Variants in GNG4 observed in about 807,000 individuals in gnomAD.
GNG4 encodes the protein G protein subunit gamma 4, also known as guanine nucleotide-binding protein G(I)/G(S)/G(O) subunit gamma-4.
Under a neutral mutation model 5.8 loss-of-function variants are expected in GNG4, and 4 were observed. The observed-to-expected ratio is 0.69, with a 90% CI of 0.34 to 1.57. GNG4 has a LOEUF of 1.57. GNG4 is among the 40% of genes most tolerant of loss of function. GNG4 has a pLI of 0.06. For missense variants in GNG4, 96 were observed against 95.1 expected (o/e 1.01, Z -0.04); for synonymous variants, 29 against 32.9 (o/e 0.88, Z 0.41).
chr1:235,593,826 G>A (rs879366973), intron 2 of GNG4, among the ~76,000 whole-genome samples: 10 of 152,142 alleles, frequency 6.6e-5, no homozygotes, highest in Non-Finnish European at 1.3e-4. Context: ...CCTTCGTGGT[G>A]AGTGTTACAG....
At chr1:235,636,180 C>G (rs1689031559) in intron 1 of GNG4, among the ~76,000 whole-genome samples, 1 of 152,194 alleles carries the variant, frequency 6.6e-6, no homozygotes, top group Non-Finnish European at 1.5e-5. Flanking sequence ...CTTCCTCATA[C>G]CTGCCCCTCC....
intron 1 of GNG4, among the ~76,000 whole-genome samples, chr1:235,607,799 G>A (rs917632588): frequency 5.9e-5 from 9 of 152,092 alleles, no homozygotes; most frequent in South Asian, 2.1e-4. Context: ...GCCTCTCTCC[G>A]GGAGGGTGTC....
At chr1:235,604,805 G>A (rs1571909217) in intron 1 of GNG4, among the ~76,000 whole-genome samples, 1 of 152,206 alleles carries the variant, frequency 6.6e-6, no homozygotes. Context: ...GTATAGTCAG[G>A]AACCCAGAAA....
chr1:235,553,438 A>G (rs1186219594), intron 3 of GNG4, among the ~76,000 whole-genome samples: 2 of 152,188 alleles, frequency 1.3e-5, no homozygotes, highest in Non-Finnish European at 2.9e-5. Flanking sequence ...TAGTACATTC[A>G]ATGTCTAAAT....
chr1:235,594,316 C>T (rs1688069464), intron 2 of GNG4, among the ~76,000 whole-genome samples: 1 of 152,160 alleles, frequency 6.6e-6, no homozygotes, highest in African/African-American at 2.4e-5. Context: ...AATCCCTTAG[C>T]TAGACATAAA....
At chr1:235,572,198 G>A (rs1047348152) in intron 3 of GNG4, among the ~76,000 whole-genome samples, 8 of 151,770 alleles carry the variant, frequency 5.3e-5, no homozygotes, top group Admixed American at 3.3e-4. Flanking sequence ...GAAAAGGTAA[G>A]GTAAAAATAC....
intron 1 of GNG4, among the ~76,000 whole-genome samples, chr1:235,598,795 G>A (rs971098046): frequency 6.0e-5 from 9 of 149,940 alleles, no homozygotes; most frequent in African/African-American, 4.9e-5. Flanking sequence ...GTGTGATCTC[G>A]GCTCACTGCA....
chr1:235,598,969 C>T (rs1400321006), intron 1 of GNG4, among the ~76,000 whole-genome samples: 3 of 152,212 alleles, frequency 2.0e-5, no homozygotes, highest in South Asian at 4.2e-4. Context: ...TCAAGTGATC[C>T]GCCTGCCTTG....
At chr1:235,641,510 G>A (rs1657328627) in intron 1 of GNG4, among the ~76,000 whole-genome samples, 1 of 152,184 alleles carries the variant, frequency 6.6e-6, no homozygotes, top group African/African-American at 2.4e-5. Context: ...GGCCAACATG[G>A]TGAAACCCTG....
Position 235,642,158 on chromosome 1 carries a change from C to T in GNG4, c.-123+7504G>A, listed in dbSNP as rs1289378414. The stretch of plus-strand genomic sequence containing the variant: ...AGGGGCATTTCACAGCTAACCACAG[C>T]GGTCCGAGGCGAACGCAGGGTGGAA... On this transcript the variant is annotated intron_variant, in intron 1 of 3. Coordinates refer to ENST00000391854, the MANE Select transcript of GNG4 (RefSeq NM_001098722.2). This position sits in a 1 kb window ranked among gnomAD's most constrained non-coding sequence, Gnocchi z 4.3. Among the ~76,000 whole-genome samples the T allele has an allele frequency of 6.6e-6, 1 of 152,204 alleles. No individual in the cohort carries two copies. Among genetic ancestry groups the T allele is most frequent in the East Asian group, 1.9e-4 (1 of 5,198 alleles).
chr1:235,594,723 G>A (rs958702835), intron 2 of GNG4, among the ~76,000 whole-genome samples: 10 of 151,920 alleles, frequency 6.6e-5, no homozygotes, highest in South Asian at 2.1e-4. Flanking sequence ...ACGCTGGTCC[G>A]CAAGCACCGT....
intron 2 of GNG4, among the ~76,000 whole-genome samples, chr1:235,589,546 C>T (rs2841892): frequency 0.38 from 58,166 of 151,956 alleles, 11,891 homozygotes; most frequent in East Asian, 0.78. Flanking sequence ...CCTGCCCATC[C>T]GCCCACTCCC....
intron 3 of GNG4, among the ~76,000 whole-genome samples, chr1:235,557,144 G>C (rs291354): frequency 0.66 from 100,410 of 151,664 alleles, 34,127 homozygotes; most frequent in East Asian, 0.85. Flanking sequence ...TTGGGGACCC[G>C]TTTTATACTA....
At chr1:235,561,842 T>C (rs1486899000) in intron 3 of GNG4, among the ~76,000 whole-genome samples, 1 of 152,256 alleles carries the variant, frequency 6.6e-6, no homozygotes, top group East Asian at 1.9e-4. Context: ...CTTTTTTCTT[T>C]GATGGATTGT....
At chr1:235,628,274 C>T (rs1255698293) in intron 1 of GNG4, among the ~76,000 whole-genome samples, 1 of 152,114 alleles carries the variant, frequency 6.6e-6, no homozygotes, top group African/African-American at 2.4e-5. Flanking sequence ...AGCCTAAACC[C>T]CAGAGGTGAG....
chr1:235,600,515 C>T (rs1317057494), intron 1 of GNG4, among the ~76,000 whole-genome samples: 2 of 152,018 alleles, frequency 1.3e-5, no homozygotes, highest in African/African-American at 4.8e-5. Context: ...TCATAGCTCA[C>T]TGCAGCCTTA....
chr1:235,596,462 G>A (rs1688128384), intron 1 of GNG4, among the ~76,000 whole-genome samples: 1 of 152,102 alleles, frequency 6.6e-6, no homozygotes, highest in Non-Finnish European at 1.5e-5. Context: ...ATTTGAACCC[G>A]ACAGGCAGAG....
At chr1:235,637,165 A>T (rs1657124338) in intron 1 of GNG4, among the ~76,000 whole-genome samples, 1 of 152,160 alleles carries the variant, frequency 6.6e-6, no homozygotes, top group African/African-American at 2.4e-5. Flanking sequence ...AATGCTAGTG[A>T]TTGCTCCTTT....
intron 1 of GNG4, among the ~76,000 whole-genome samples, chr1:235,598,683 T>C (rs1688183872): frequency 6.6e-6 from 1 of 150,908 alleles, no homozygotes; most frequent in Non-Finnish European, 1.5e-5. Flanking sequence ...TAAGCCACAA[T>C]CTCTGGGGGA....
Sources: gnomAD v4.1 joint callset for allele counts (sites outside exome capture counted in the v4.1 genomes callset) on GRCh38, gnomAD v4.1.1 for gene constraint, Gnocchi (gnomAD v3.1) non-coding constraint, MANE v1.5 for transcripts, NCBI Gene and HGNC (gene_info 2026-07-23, HGNC 2026-07-21) for gene names.